Variants in DCC observed in about 807,000 individuals in gnomAD.
DCC encodes DCC netrin 1 receptor, also known as netrin receptor DCC.
Under a neutral mutation model 172.5 loss-of-function variants are expected in DCC, and 58 were observed. The observed-to-expected ratio is 0.34, with a 90% CI of 0.27 to 0.42. The LOEUF (loss-of-function observed/expected upper bound fraction) is 0.42. DCC is among the 10% of genes least tolerant of loss of function. The pLI is 1.00. For synonymous variants in DCC, 709 were observed against 644.5 expected (o/e 1.10, Z -1.52); for missense variants, 1,740 against 1,791.0 (o/e 0.97, Z 0.51).
At chr18:53,197,375 A>G (rs1041789360) in intron 9 of DCC, among the ~76,000 whole-genome samples, 5 of 151,542 alleles carry the variant, frequency 3.3e-5, no homozygotes, top group Non-Finnish European at 5.9e-5. Flanking sequence ...CATTACTGCA[A>G]TGACAACACG....
intron 1 of DCC, among the ~76,000 whole-genome samples, chr18:52,482,859 T>G (rs1281779608): frequency 2.6e-5 from 4 of 152,162 alleles, no homozygotes; most frequent in Admixed American, 2.6e-4. Flanking sequence ...ATGTTGGATG[T>G]CTCATTTTCC....
intron 25 of DCC, among the ~76,000 whole-genome samples, chr18:53,479,719 A>G (rs1370857335): frequency 2.6e-5 from 4 of 152,230 alleles, no homozygotes. Context: ...ATGGAGTATA[A>G]AAAGTATACC....
intron 1 of DCC, among the ~76,000 whole-genome samples, chr18:52,575,015 A>G (rs1037896703): frequency 3.3e-5 from 5 of 152,150 alleles, no homozygotes; most frequent in Non-Finnish European, 7.4e-5. Flanking sequence ...GGTCACTGCA[A>G]TGAAAAACAG....
chr18:53,107,547 A>T (rs1434406501), intron 7 of DCC, among the ~76,000 whole-genome samples: 3 of 151,008 alleles, frequency 2.0e-5, no homozygotes, highest in Non-Finnish European at 3.0e-5. Context: ...GAAGGAAAAA[A>T]AAAAAAAGAG....
chr18:52,723,442 T>C (rs1027270341), intron 1 of DCC, among the ~76,000 whole-genome samples: 1 of 152,062 alleles, frequency 6.6e-6, no homozygotes, highest in African/African-American at 2.4e-5. Context: ...CACCAAGGCA[T>C]TGTAGAACGC....
At chr18:53,385,001 A>C (rs1482846781) in intron 15 of DCC, among the ~76,000 whole-genome samples, 33 of 145,698 alleles carry the variant, frequency 2.3e-4, no homozygotes, top group African/African-American at 8.2e-4. Flanking sequence ...CACCCGCCAC[A>C]GTGCCCGGCT....
rs1412631084 is a variant in DCC at position 53,337,064 on chromosome 18, AATG to A, written c.2165-2646_2165-2644del. On this transcript the variant is annotated intron_variant, in intron 14 of 28. Transcript: ENST00000442544. ...AAGAGCCAGTTGGTGTACACATTAC[AATG>A]ATATGTTTAAAGCTCCGATGAATAA... Among the ~76,000 whole-genome samples, 6 of 152,364 alleles carry A rather than the reference AATG, an allele frequency of 3.9e-5. No homozygotes were observed. In the East Asian group the frequency reaches 1.2e-3, roughly 29 times the overall value.
chr18:52,364,464 T>TA (rs1188320364), intron 1 of DCC, among the ~76,000 whole-genome samples: 3 of 152,128 alleles, frequency 2.0e-5, no homozygotes, highest in African/African-American at 7.2e-5. Context: ...TGGCATAACT[T>TA]AAAAAAAGCT....
chr18:53,503,279 C>T (rs2046126869), intron 27 of DCC, among the ~76,000 whole-genome samples: 1 of 152,278 alleles, frequency 6.6e-6, no homozygotes, highest in Middle Eastern at 3.4e-3. Flanking sequence ...ATTCTGCTTA[C>T]CTGAAAACAG....
At chr18:53,435,300 A>G (rs1439950138) in intron 22 of DCC, 91 bp downstream of exon 22, 3 of 820,812 alleles carry the variant, frequency 3.7e-6, no homozygotes, top group Non-Finnish European at 6.3e-6. Flanking sequence ...ATCAACTACA[A>G]GTGCCAGGAA....
At chr18:52,453,675 A>C (rs1988374763) in intron 1 of DCC, among the ~76,000 whole-genome samples, 1 of 152,200 alleles carries the variant, frequency 6.6e-6, no homozygotes, top group African/African-American at 2.4e-5. Context: ...TTGAGAATAC[A>C]TGGCAACTGA....
intron 15 of DCC, among the ~76,000 whole-genome samples, chr18:53,379,941 C>T (rs546296171): frequency 1.3e-5 from 2 of 152,212 alleles, no homozygotes; most frequent in Non-Finnish European, 2.9e-5. Context: ...GATTAAATCA[C>T]AGTAAATTCA....
chr18:53,513,344 G>A (rs534119141), intron 27 of DCC, among the ~76,000 whole-genome samples: 145 of 152,330 alleles, frequency 9.5e-4, no homozygotes, highest in Non-Finnish European at 1.5e-3. Context: ...ACCGGTACCA[G>A]CCGCTGCAAA....
chr18:52,609,055 G>A (rs2034195721), intron 1 of DCC, among the ~76,000 whole-genome samples: 1 of 152,106 alleles, frequency 6.6e-6, no homozygotes, highest in Non-Finnish European at 1.5e-5. Flanking sequence ...TGTGAATCCA[G>A]GCTCACACAG....
chr18:53,307,042 A>G (rs958670529), intron 13 of DCC, among the ~76,000 whole-genome samples: 1 of 152,138 alleles, frequency 6.6e-6, no homozygotes, highest in African/African-American at 2.4e-5. Context: ...ACTCACACAC[A>G]TTATAAGCTT....
At chr18:52,587,810 T>C (rs1401869779) in intron 1 of DCC, among the ~76,000 whole-genome samples, 1 of 152,168 alleles carries the variant, frequency 6.6e-6, no homozygotes, top group South Asian at 2.1e-4. Flanking sequence ...CCTAGTCTTC[T>C]CTTTCTCTGT....
chr18:53,154,841 G>A (rs1290966997), intron 7 of DCC, among the ~76,000 whole-genome samples: 1 of 152,072 alleles, frequency 6.6e-6, no homozygotes, highest in African/African-American at 2.4e-5. Context: ...CAGTGTGTTA[G>A]TCTTAGCTGC....
At chr18:53,429,074 A>ATATATTTTATATAATATATATTT (rs1911407379) in intron 21 of DCC, among the ~76,000 whole-genome samples, 1 of 90,284 alleles carries the variant, frequency 1.1e-5, no homozygotes, top group Non-Finnish European at 2.3e-5. Flanking sequence ...TATATATAAT[A>ATATATTTTATATAATATATATTT]TATATTTTAT....
chr18:53,283,652 C>T (rs2056899077), intron 12 of DCC, among the ~76,000 whole-genome samples: 1 of 152,096 alleles, frequency 6.6e-6, no homozygotes, highest in South Asian at 2.1e-4. Context: ...TGTCTAACTT[C>T]TACGATTCTA....
Sources: gnomAD v4.1 joint callset for allele counts (sites outside exome capture counted in the v4.1 genomes callset) on GRCh38, gnomAD v4.1.1 for gene constraint, MANE v1.5 for transcripts, NCBI Gene and HGNC (gene_info 2026-07-23, HGNC 2026-07-21) for gene names.